Variants in TMEM220 observed in about 807,000 individuals in gnomAD.
The protein encoded by TMEM220 is transmembrane protein 220.
In TMEM220, 21 loss-of-function variants were observed where a neutral mutation model predicts 21.7. That is an observed-to-expected ratio of 0.97 (90% CI 0.69 to 1.39). The LOEUF is 1.39. Among genes scored for constraint, TMEM220 ranks in the 40% most tolerant of loss-of-function variants. The probability of loss-of-function intolerance (pLI) is 0.00; values close to 1 mark genes in which losing one functional copy is unlikely to be tolerated. For missense variants in TMEM220, 191 were observed against 201.9 expected (o/e 0.95, Z 0.33); for synonymous variants, 80 against 73.6 (o/e 1.09, Z -0.45).
At position 10,715,230 on chromosome 17, in the gene TMEM220, A is replaced by G. The variant is rs909959155; in HGVS notation, c.*223T>C. 6 of 386,840 alleles carry G rather than the reference A, an allele frequency of 1.6e-5. No homozygotes were observed. The South Asian group carries it at 1.8e-4, about 12-fold the overall frequency. 24.0% of individuals were successfully genotyped at this position (386,840 alleles called of 1,614,324 possible). ...TCTATTCTCTAGCCTTTTCCACTACATTATGACACAAGACCCTGCAGAAAG... is the reference window on the plus strand; with the variant it reads ...TCTATTCTCTAGCCTTTTCCACTACGTTATGACACAAGACCCTGCAGAAAG... On this transcript the variant is annotated 3_prime_UTR_variant, in exon 6 of 6. Coordinates refer to ENST00000341871, the MANE Select transcript of TMEM220 (RefSeq NM_001004313.3).
chr17:10,717,790 T>C (rs1301801875), intron 5 of TMEM220, among the ~76,000 whole-genome samples: 3 of 152,160 alleles, frequency 2.0e-5, no homozygotes, highest in Admixed American at 2.0e-4. Flanking sequence ...TCTAGAGTTT[T>C]CCTTTAGGAA....
intron 3 of TMEM220, 49 bp from the exon 4 acceptor site, chr17:10,725,183 GA>G (rs201967631): frequency 4.2e-4 from 622 of 1,465,280 alleles, no homozygotes; most frequent in Admixed American, 6.0e-4. Context: ...ACAGCCCACA[GA>G]AAAAAAAAAT....
chr17:10,717,096 A>G (rs938569751), intron 5 of TMEM220, among the ~76,000 whole-genome samples: 1 of 152,214 alleles, frequency 6.6e-6, no homozygotes, highest in African/African-American at 2.4e-5. Flanking sequence ...TTTTCTACAC[A>G]TGTATTCATA....
Position 10,714,816 on chromosome 17 carries a change from G to A in TMEM220, c.*637C>T, listed in dbSNP as rs2151468251. 1 of 152,340 alleles carries A rather than the reference G, an allele frequency of 6.6e-6. No homozygotes were observed. The highest frequency in any genetic ancestry group is 2.4e-5 in the African/African-American group (1 of 41,492). The allele number at this position is 152,340 out of a possible 1,614,324, so 9.4% of individuals were successfully genotyped here. ...CACACTTGTAGTCGTAGCTTCTTGG[G>A]AGGCTGAGGTAGGAGGATCACCTGA... On this transcript the variant is annotated 3_prime_UTR_variant, in exon 6 of 6. Transcript: ENST00000341871.
At position 10,715,097 on chromosome 17, in the gene TMEM220, T is replaced by C. The variant is rs2074895343; in HGVS notation, c.*356A>G. 1 of 185,884 alleles carries C rather than the reference T, an allele frequency of 5.4e-6. No homozygotes were observed. Among genetic ancestry groups the C allele is most frequent in the Non-Finnish European group, 1.1e-5 (1 of 91,040 alleles). 11.5% of individuals were successfully genotyped at this position (185,884 alleles called of 1,614,324 possible). A position where few individuals can be genotyped will look rare whatever the true frequency, so the allele number is the denominator to read the frequency against. On this transcript the variant is annotated 3_prime_UTR_variant, in exon 6 of 6. Coordinates refer to ENST00000341871, the MANE Select transcript of TMEM220 (RefSeq NM_001004313.3). Reference sequence around the variant, plus strand: ...TGATCCTTGTTACTGTGTAAGTAAGTAGATCTGGCATTAATCCTATTTTAT... The same window carrying C: ...TGATCCTTGTTACTGTGTAAGTAAGCAGATCTGGCATTAATCCTATTTTAT...
At chr17:10,724,175 C>CA (rs1391663155) in intron 4 of TMEM220, among the ~76,000 whole-genome samples, 1 of 152,152 alleles carries the variant, frequency 6.6e-6, no homozygotes, top group African/African-American at 2.4e-5. Flanking sequence ...AATAAGTCCT[C>CA]AGAGACAAGG....
intron 1 of TMEM220, 80 bp from the exon 2 acceptor site, chr17:10,729,140 T>TA: frequency 6.5e-7 from 1 of 1,543,240 alleles, no homozygotes; most frequent in Non-Finnish European, 9.0e-7. Flanking sequence ...GCACATTTTT[T>TA]ATTAATTTGT....
intron 5 of TMEM220, among the ~76,000 whole-genome samples, chr17:10,719,930 G>GA (rs2074967878): frequency 6.6e-6 from 1 of 151,792 alleles, no homozygotes; most frequent in Admixed American, 6.6e-5. Context: ...GATTTTTATA[G>GA]AAAAAGAAAT....
At chr17:10,721,604 CAA>C (rs1194075248) in intron 5 of TMEM220, among the ~76,000 whole-genome samples, 35 of 35,812 alleles carry the variant, frequency 9.8e-4, no homozygotes, top group Admixed American at 6.8e-3. Flanking sequence ...GACTCTGTCT[CAA>C]AAAAAAAAAA....
rs1359472990 is a variant in TMEM220 at position 10,729,766 on chromosome 17, C to A, written c.72+14G>T. 5.2e-6 allele frequency: 7 copies of A among 1,358,068 alleles called. No individual in the cohort carries two copies. In the East Asian group the frequency reaches 2.1e-4, roughly 41 times the overall value. 84.1% of individuals were successfully genotyped at this position (1,358,068 alleles called of 1,614,324 possible). ...GGAGCCGGGCGGGTCCCCCTCCCAC[C>A]GCGGCCGCCTGACCTGCACCAAGGC... On this transcript the variant is annotated intron_variant, in intron 1 of 5. Transcript: ENST00000341871.
intron 1 of TMEM220, 129 bp downstream of exon 1, chr17:10,729,651 C>T (rs2075099019): frequency 3.9e-6 from 3 of 771,686 alleles, no homozygotes; most frequent in Non-Finnish European, 5.4e-6. Flanking sequence ...AAGCAGAAAG[C>T]CCAAGTCCCG....
chr17:10,725,107 G>A lies in TMEM220; in HGVS notation c.191C>T (p.Ala64Val), dbSNP rs778240350. Reference sequence around the variant, plus strand: ...CACCGTACAAAAGAGTATGTGTATTGCAGAGATACTTTTCCAAATAACATT... The same window carrying A: ...CACCGTACAAAAGAGTATGTGTATTACAGAGATACTTTTCCAAATAACATT... ...TGNVIWKSISAIHILFCTVWA... is the reference protein window; with the variant it reads ...TGNVIWKSISVIHILFCTVWA... The change falls in exon 4 of 6, where the codon GCA becomes GTA. Residue 64 changes from alanine to valine, a missense_variant. Coordinates refer to ENST00000341871, the MANE Select transcript of TMEM220 (RefSeq NM_001004313.3). The A allele has an allele frequency of 1.9e-6, 3 of 1,614,048 alleles. No homozygotes were observed. In the Admixed American group the frequency reaches 5.0e-5, roughly 27 times the overall value.
intron 5 of TMEM220, among the ~76,000 whole-genome samples, chr17:10,716,942 A>AT (rs749643182): frequency 3.3e-5 from 5 of 152,098 alleles, no homozygotes; most frequent in Non-Finnish European, 7.4e-5. Flanking sequence ...TACGGAGTGG[A>AT]TTTTTTGAAT....
At chr17:10,729,127 TA>T (rs1301310763) in intron 1 of TMEM220, 67 bp from the exon 2 acceptor site, 4 of 1,580,328 alleles carry the variant, frequency 2.5e-6, no homozygotes, top group Non-Finnish European at 2.6e-6. Context: ...TAAATTCATT[TA>T]AGCACATTTT....
intron 2 of TMEM220, among the ~76,000 whole-genome samples, chr17:10,726,708 T>G (rs894812889): frequency 1.3e-5 from 2 of 152,222 alleles, no homozygotes; most frequent in Non-Finnish European, 2.9e-5. Context: ...CAGTACTGCA[T>G]CTCTGTGAGA....
Position 10,729,793 on chromosome 17 carries a change from G to A in TMEM220, c.59C>T (p.Ala20Val). ...NGLMAAFFAL[A>V]ALVQVNDPDA... Reference sequence around the variant, plus strand: ...CGGCCGCCTGACCTGCACCAAGGCCGCCAGCGCGAAGAAGGCGGCCATGAG... The same window carrying A: ...CGGCCGCCTGACCTGCACCAAGGCCACCAGCGCGAAGAAGGCGGCCATGAG... Residue 20 changes from alanine to valine, a missense_variant, in exon 1 of 6, where the codon GCG becomes GTG. Physicochemically the swap from Ala to Val is moderately conservative, Grantham distance 64 (BLOSUM62 0). Transcript: ENST00000341871. 12 of 1,410,976 alleles carry A rather than the reference G, an allele frequency of 8.5e-6. No individual in the cohort carries two copies. The highest frequency in any genetic ancestry group is 1.0e-5 in the Non-Finnish European group (11 of 1,075,282). The allele number at this position is 1,410,976 out of a possible 1,614,324, so 87.4% of individuals were successfully genotyped here.
intron 5 of TMEM220, among the ~76,000 whole-genome samples, chr17:10,717,458 G>A (rs2074936095): frequency 6.6e-6 from 1 of 152,152 alleles, no homozygotes; most frequent in Admixed American, 6.5e-5. Flanking sequence ...TTCCATTAAT[G>A]TGGTGGAAAA....
chr17:10,717,998 T>G (rs1392603688), intron 5 of TMEM220, among the ~76,000 whole-genome samples: 1 of 152,076 alleles, frequency 6.6e-6, no homozygotes, highest in Non-Finnish European at 1.5e-5. Flanking sequence ...TTTTTTGTAT[T>G]TTTAGTAGAG....
At chr17:10,725,524 C>G (rs2075040359) in intron 3 of TMEM220, among the ~76,000 whole-genome samples, 1 of 152,216 alleles carries the variant, frequency 6.6e-6, no homozygotes, top group African/African-American at 2.4e-5. Flanking sequence ...CAACTGCATT[C>G]TGAGACTTTG....
Sources: allele counts gnomAD v4.1 joint callset (sites outside exome capture counted in the v4.1 genomes callset), GRCh38; gene constraint gnomAD v4.1.1; transcripts MANE v1.5; gene names NCBI Gene and HGNC (gene_info 2026-07-23, HGNC 2026-07-21).